SIGLEC1: variants seen among roughly 807,000 people sequenced by gnomAD.
SIGLEC1 encodes sialoadhesin.
A neutral mutation model predicts 148.0 loss-of-function variants in SIGLEC1; 132 were observed. That is an observed-to-expected ratio of 0.89 (90% confidence interval 0.77 to 1.03). SIGLEC1 has a LOEUF of 1.03. Ranked by LOEUF, SIGLEC1 falls within the 50% of genes least tolerant of loss-of-function variation. SIGLEC1 has a pLI of 0.00. For synonymous variants in SIGLEC1, 945 were observed against 969.0 expected (o/e 0.98, Z 0.46); for missense variants, 2,253 against 2,271.4 (o/e 0.99, Z 0.16).
Position 3,691,533 on chromosome 20 carries a change from G to A in SIGLEC1, c.4398C>T (p.Arg1466=). ...PEGAALNLSC[R]LLGGPGPVGN... The stretch of plus-strand genomic sequence containing the variant: ...CCACAGGCCCAGGGCCACCCAGGAG[G>A]CGGCAGCTGAGGTTCAGGGCAGCGC... Residue 1466 remains arginine, a synonymous_variant, in exon 18 of 22, where the codon CGC becomes CGT. Transcript: ENST00000344754. 6.2e-7 allele frequency: 1 copy of A among 1,613,238 alleles called. No individual in the cohort carries two copies. The highest frequency in any genetic ancestry group is 8.5e-7 in the Non-Finnish European group (1 of 1,180,008).
intron 7 of SIGLEC1, among the ~76,000 whole-genome samples, chr20:3,700,629 C>T (rs6115993): frequency 6.6e-6 from 1 of 151,880 alleles, no homozygotes; most frequent in Non-Finnish European, 1.5e-5. Context: ...GCTACCATGC[C>T]CTCAGGAGGA....
rs554692047 is a variant in SIGLEC1, at chr20:3,695,148, G to A, written c.2684-225C>T. Among the ~76,000 whole-genome samples, 9 of 152,282 alleles carry A rather than the reference G, an allele frequency of 5.9e-5. No individual in the cohort carries two copies. In the South Asian group the frequency reaches 1.9e-3, roughly 32 times the overall value. ...GGCATTTACCTCCCACCACCTGGTG[G>A]GATGGTTTTACTGTGTCAGTCATAT... On this transcript the variant is annotated intron_variant, in intron 11 of 21. Coordinates refer to ENST00000344754, the MANE Select transcript of SIGLEC1 (RefSeq NM_023068.4).
chr20:3,694,093 G>T, intron 13 of SIGLEC1, 128 bp downstream of exon 13: 2 of 1,044,276 alleles, frequency 1.9e-6, no homozygotes, highest in South Asian at 1.8e-5. Context: ...GTCCACCATC[G>T]TTAGGAAGGG....
chr20:3,712,065 G>A (rs2087931648), intron 1 of SIGLEC1, among the ~76,000 whole-genome samples: 1 of 152,052 alleles, frequency 6.6e-6, no homozygotes, highest in Non-Finnish European at 1.5e-5. Flanking sequence ...TGGAGGCTGG[G>A]TTGAGATGAG....
intron 9 of SIGLEC1, 147 bp from the exon 10 acceptor site, chr20:3,697,489 TAGG>T (rs1005736688): frequency 8.0e-6 from 8 of 1,000,330 alleles, no homozygotes; most frequent in Non-Finnish European, 1.2e-5. Flanking sequence ...CAGGGCAGCC[TAGG>T]AGAAGTGGGC....
rs2087935272 is a variant in SIGLEC1, at chr20:3,712,584, G to A, written c.-224C>T. Among the ~76,000 whole-genome samples the A allele has an allele frequency of 6.6e-6, 1 of 152,164 alleles. No individual in the cohort carries two copies. Among genetic ancestry groups the A allele is most frequent in the Non-Finnish European group, 1.5e-5 (1 of 68,026 alleles). Reference sequence around the variant, plus strand: ...TCCCCAGGGCTCTGCCGGCTCAAGAGAGAAGGATCCCGTATCAGGGGCTGC... The same window carrying A: ...TCCCCAGGGCTCTGCCGGCTCAAGAAAGAAGGATCCCGTATCAGGGGCTGC... On this transcript the variant is annotated 5_prime_UTR_variant, in exon 1 of 22. Transcript: ENST00000344754.
rs73583079 is a variant in SIGLEC1 at position 3,698,102 on chromosome 20, C to A, written c.1818G>T (p.Arg606Ser). The A allele has an allele frequency of 1.0e-3, 1,650 of 1,604,140 alleles. 19 individuals are homozygous for A. The African/African-American group carries it at 0.02, about 19-fold the overall frequency. Residue 606 changes from arginine (R) to serine (S), a missense_variant, in exon 9 of 22, where the codon AGG becomes AGT. Transcript: ENST00000344754. Reference sequence around the variant, plus strand: ...CGGCCCCAGCGGCATCAAGGTCCAGCCTGGTGGTGAATGTTGGTTGTCGAG... The same window carrying A: ...CGGCCCCAGCGGCATCAAGGTCCAGACTGGTGGTGAATGTTGGTTGTCGAG... ...YPPRQPTFTT[R>S]LDLDAAGAGA...
Position 3,694,442 on chromosome 20 carries a change from G to A in SIGLEC1, c.3035C>T (p.Pro1012Leu), listed in dbSNP as rs766676495. ...CCCGTGGAGCAGCCGCAGCTGGGCC[G>A]GAGGGTCACTGTCCACACGGCACAG... is the stretch of plus-strand genomic sequence containing the variant. ...LLLCRVDSDPPAQLRLLHGDR... is the reference protein window; with the variant it reads ...LLLCRVDSDPLAQLRLLHGDR... Residue 1012 changes from proline to leucine, a missense_variant, in exon 13 of 22, where the codon CCG becomes CTG. Transcript: ENST00000344754. The A allele has an allele frequency of 5.0e-5, 80 of 1,610,220 alleles. No individual in the cohort carries two copies. Among genetic ancestry groups the A allele is most frequent in the Middle Eastern group, 1.6e-4 (1 of 6,072 alleles).
rs1365990934 is a variant in SIGLEC1 at position 3,703,720 on chromosome 20, G to A, written c.973+105C>T. On this transcript the variant is annotated intron_variant, in intron 5 of 21. Coordinates refer to ENST00000344754, the MANE Select transcript of SIGLEC1 (RefSeq NM_023068.4). ...CCACACCTGCATCCAGGAAGCACTG[G>A]GTTATGCCAGTTGCTGGCCCTGCCC... The A allele has an allele frequency of 1.4e-5, 20 of 1,453,342 alleles. No individual in the cohort carries two copies. In the Admixed American group the frequency reaches 1.9e-4, roughly 14 times the overall value. 90.0% of individuals were successfully genotyped at this position (1,453,342 alleles called of 1,614,324 possible).
At position 3,697,307 on chromosome 20, in the gene SIGLEC1, G is replaced by A; in HGVS notation, c.2158C>T (p.Gln720Ter). ...VLAIAPSHTL[Q>*]EGTEANLTCN... ...GTCAAGTTGGCTTCTGTGCCCTCCT[G>A]AAGTGTGTGTGATGGTGCAATGGCC... Residue 720 changes from glutamine to a stop codon, truncating the protein, a stop_gained, in exon 10 of 22, where the codon CAG becomes TAG. Transcript: ENST00000344754. LOFTEE classifies it high-confidence loss of function. The A allele has an allele frequency of 6.2e-7, 1 of 1,613,912 alleles. No homozygotes were observed. Among genetic ancestry groups the A allele is most frequent in the Non-Finnish European group, 8.5e-7 (1 of 1,180,026 alleles).
At chr20:3,697,458 G>T in intron 9 of SIGLEC1, 116 bp from the exon 10 acceptor site, 1 of 1,334,226 alleles carries the variant, frequency 7.5e-7, no homozygotes, top group Non-Finnish European at 1.0e-6. Context: ...ACAGGGTTGG[G>T]GAGAAAAGCA....
chr20:3,707,825 G>A (rs1181720921), intron 1 of SIGLEC1, among the ~76,000 whole-genome samples: 1 of 152,210 alleles, frequency 6.6e-6, no homozygotes, highest in Non-Finnish European at 1.5e-5. Flanking sequence ...CTGCTCAAGG[G>A]CTCCCTAGCT....
In SIGLEC1 at chr20:3,693,552, G is replaced by A. The variant is rs1310566547; in HGVS notation, c.3403C>T (p.Pro1135Ser). The A allele has an allele frequency of 6.8e-6, 11 of 1,612,562 alleles. No individual in the cohort carries two copies. The highest frequency in any genetic ancestry group is 1.6e-4 in the Middle Eastern group (1 of 6,078). The stretch of plus-strand genomic sequence containing the variant: ...TCCCTGACTGTGACGTTGGGCAGGG[G>A]GATGGAGTGGGCATCCAGGCGCTGC... ...GQQRLDAHSI[P>S]LPNVTVRDAT... The change falls in exon 14 of 22, where the codon CCC becomes TCC. Residue 1135 changes from proline to serine, a missense_variant. Physicochemically the swap from Pro to Ser is moderately conservative, Grantham distance 74 (BLOSUM62 -1). Transcript: ENST00000344754.
intron 19 of SIGLEC1, 27 bp downstream of exon 19, chr20:3,689,935 C>T (rs775673426): frequency 1.3e-6 from 2 of 1,584,296 alleles, no homozygotes; most frequent in Admixed American, 3.4e-5. Context: ...GCAGAGTGGC[C>T]TGGGAGATGG....
At chr20:3,692,414 GC>G in intron 16 of SIGLEC1, 106 bp downstream of exon 16, 2 of 1,332,192 alleles carry the variant, frequency 1.5e-6, no homozygotes, top group African/African-American at 1.5e-5. Flanking sequence ...TTCCCCAACT[GC>G]CCATTCCTGG....
At chr20:3,693,322 C>T (rs2088784931) in intron 14 of SIGLEC1, 125 bp downstream of exon 14, 2 of 1,237,214 alleles carry the variant, frequency 1.6e-6, no homozygotes, top group South Asian at 1.5e-5. Flanking sequence ...GCTCCTTGCC[C>T]AGTGCTCCAC....
rs75961982 is a variant in SIGLEC1 at position 3,692,252 on chromosome 20, T to C, written c.4031-50A>G. 93 of 1,483,158 alleles carry C rather than the reference T, an allele frequency of 6.3e-5. No homozygotes were observed. In the East Asian group the frequency reaches 1.5e-3, roughly 24 times the overall value. 91.9% of individuals were successfully genotyped at this position (1,483,158 alleles called of 1,614,324 possible). A position where few individuals can be genotyped will look rare whatever the true frequency, so the allele number is the denominator to read the frequency against. On this transcript the variant is annotated intron_variant, in intron 16 of 21. Transcript: ENST00000344754. ...GGGACCTTGCTTAGGCACCCTGTAC[T>C]GCTCATTGCCTAGCTGCCTGGGGTT...
At chr20:3,698,222 G>T in intron 8 of SIGLEC1, 89 bp from the exon 9 acceptor site, 2 of 1,189,790 alleles carry the variant, frequency 1.7e-6, no homozygotes, top group Non-Finnish European at 2.3e-6. Context: ...ACTGGACAAA[G>T]GCAGATCCCG....
rs768499104 is a variant in SIGLEC1, at chr20:3,705,909, C to T, written c.541G>A (p.Ala181Thr). The change falls in exon 4 of 22, where the codon GCT becomes ACT. Residue 181 changes from alanine (A) to threonine (T), a missense_variant. Ala to Thr is a moderately conservative substitution (Grantham distance 58). Transcript: ENST00000344754. ...TGGCTGTTGAAGGTGACAGAGCGAG[C>T]AGGGTCCTGGCCTTGCCACTGCAGT... is the stretch of plus-strand genomic sequence containing the variant. ...VRLQWQGQDP[A>T]RSVTFNSQKF... 1 of 1,614,176 alleles carries T rather than the reference C, an allele frequency of 6.2e-7. No homozygotes were observed. Among genetic ancestry groups the T allele is most frequent in the Non-Finnish European group, 8.5e-7 (1 of 1,180,052 alleles).
Sources: allele counts gnomAD v4.1 joint callset (sites outside exome capture counted in the v4.1 genomes callset), GRCh38; gene constraint gnomAD v4.1.1; transcripts MANE v1.5; gene names NCBI Gene and HGNC (gene_info 2026-07-23, HGNC 2026-07-21).